Variants in TECRL observed in about 807,000 individuals in gnomAD.
TECRL encodes trans-2,3-enoyl-CoA reductase like, also known as trans-2,3-enoyl-CoA reductase-like.
TECRL carries 63 observed loss-of-function variants against 52.8 expected under a neutral mutation model. The ratio of observed to expected loss-of-function variants is 1.19; its 90% CI spans 0.97 to 1.47. The LOEUF (loss-of-function observed/expected upper bound fraction) is 1.47, where lower values mean the gene tolerates loss of function less well. TECRL is among the 40% of genes most tolerant of loss of function. TECRL has a pLI of 0.00. For synonymous variants in TECRL, 164 were observed against 141.9 expected, an observed-to-expected ratio of 1.16 and a Z score of -1.10; for missense variants, 482 against 429.6, an observed-to-expected ratio of 1.12 and a Z score of -1.08.
At chr4:64,364,543 C>T (rs1297324032) in intron 2 of TECRL, among the ~76,000 whole-genome samples, 1 of 151,556 alleles carries the variant, frequency 6.6e-6, no homozygotes, top group Non-Finnish European at 1.5e-5. Flanking sequence ...GAGAGAAGTT[C>T]CAAACAAACA....
chr4:64,379,809 C>T (rs1322726569), intron 1 of TECRL, among the ~76,000 whole-genome samples: 26 of 152,060 alleles, frequency 1.7e-4, no homozygotes, highest in Admixed American at 1.6e-3. Flanking sequence ...ATCTATGTTG[C>T]TGCAAATAGT....
intron 2 of TECRL, among the ~76,000 whole-genome samples, chr4:64,329,261 TCTTAA>T: frequency 6.6e-6 from 1 of 151,406 alleles, no homozygotes; most frequent in South Asian, 2.1e-4. Context: ...AAAGTTTACT[TCTTAA>T]CTTTGAGATT....
chr4:64,310,308 G>T (rs1353243193), intron 5 of TECRL, among the ~76,000 whole-genome samples: 1 of 152,126 alleles, frequency 6.6e-6, no homozygotes, highest in Non-Finnish European at 1.5e-5. Flanking sequence ...CCAAAGCCTA[G>T]TTGGAATGTA....
chr4:64,388,049 A>C (rs2109735945), intron 1 of TECRL, among the ~76,000 whole-genome samples: 1 of 151,758 alleles, frequency 6.6e-6, no homozygotes, highest in African/African-American at 2.4e-5. Context: ...CCATCTTATT[A>C]ATTTTTTTTC....
chr4:64,330,407 T>C (rs1267939267), intron 2 of TECRL, among the ~76,000 whole-genome samples: 1 of 152,080 alleles, frequency 6.6e-6, no homozygotes, highest in African/African-American at 2.4e-5. Flanking sequence ...TTTAACTCAA[T>C]ATTGATCAAA....
intron 4 of TECRL, among the ~76,000 whole-genome samples, chr4:64,317,141 G>A (rs1354599644): frequency 2.0e-5 from 3 of 152,088 alleles, no homozygotes; most frequent in South Asian, 2.1e-4. Context: ...AGCCGGGCGT[G>A]GTGGCAGGTG....
At chr4:64,335,578 A>C (rs1205370191) in intron 2 of TECRL, among the ~76,000 whole-genome samples, 4 of 152,310 alleles carry the variant, frequency 2.6e-5, no homozygotes. Flanking sequence ...ATTGCCTTCC[A>C]TGAAACTGGT....
At chr4:64,396,133 T>C (rs1203872961) in intron 1 of TECRL, among the ~76,000 whole-genome samples, 2 of 141,610 alleles carry the variant, frequency 1.4e-5, no homozygotes, top group Admixed American at 1.5e-4. Context: ...GTGATGAATA[T>C]ACATGTGCAT....
At chr4:64,297,548 G>T (rs1232130012) in intron 8 of TECRL, among the ~76,000 whole-genome samples, 1 of 150,978 alleles carries the variant, frequency 6.6e-6, no homozygotes, top group Non-Finnish European at 1.5e-5. Flanking sequence ...AATATGGATT[G>T]TACTATCTAC....
intron 1 of TECRL, among the ~76,000 whole-genome samples, chr4:64,388,091 G>C (rs963456764): frequency 1.1e-4 from 17 of 151,502 alleles, no homozygotes; most frequent in Non-Finnish European, 2.2e-4. Context: ...AGGTCATGAA[G>C]ATTTTGTTGT....
chr4:64,366,571 A>T (rs1295872720), intron 2 of TECRL, among the ~76,000 whole-genome samples: 1 of 152,190 alleles, frequency 6.6e-6, no homozygotes, highest in South Asian at 2.1e-4. Flanking sequence ...GAATAAGCAT[A>T]TAACAAACGA....
chr4:64,407,771 T>C (rs1553923591), intron 1 of TECRL, among the ~76,000 whole-genome samples: 1 of 150,808 alleles, frequency 6.6e-6, no homozygotes, highest in Non-Finnish European at 1.5e-5. Context: ...AGAGTAATTT[T>C]ATTTTTTTAT....
At chr4:64,362,016 C>G (rs1721234931) in intron 2 of TECRL, among the ~76,000 whole-genome samples, 1 of 152,074 alleles carries the variant, frequency 6.6e-6, no homozygotes, top group Non-Finnish European at 1.5e-5. Flanking sequence ...ACAAATTGAG[C>G]TTCTGGTAAT....
At chr4:64,331,134 TTTAA>T (rs1478499111) in intron 2 of TECRL, among the ~76,000 whole-genome samples, 1 of 152,074 alleles carries the variant, frequency 6.6e-6, no homozygotes, top group Non-Finnish European at 1.5e-5. Flanking sequence ...GATACACATA[TTTAA>T]TTAAAAGAGA....
intron 2 of TECRL, among the ~76,000 whole-genome samples, chr4:64,349,244 T>C (rs1325808270): frequency 2.0e-5 from 3 of 151,620 alleles, no homozygotes; most frequent in Non-Finnish European, 4.4e-5. Flanking sequence ...GCAATTCTCC[T>C]GCCTCAACCT....
chr4:64,355,040 AC>A (rs1180303879), intron 2 of TECRL, among the ~76,000 whole-genome samples: 1 of 152,220 alleles, frequency 6.6e-6, no homozygotes, highest in Admixed American at 6.5e-5. Flanking sequence ...AGATTAGCAT[AC>A]TTGATATATC....
At chr4:64,382,110 G>T (rs907094998) in intron 1 of TECRL, among the ~76,000 whole-genome samples, 164 of 149,670 alleles carry the variant, frequency 1.1e-3, no homozygotes, top group African/African-American at 3.9e-3. Context: ...ATTCAGTTTT[G>T]TTACTCATTA....
intron 3 of TECRL, among the ~76,000 whole-genome samples, chr4:64,326,899 C>T (rs1267808430): frequency 5.9e-5 from 9 of 152,168 alleles, no homozygotes; most frequent in Admixed American, 3.9e-4. Flanking sequence ...ATTTTGGGAG[C>T]AAATGTATAA....
intron 2 of TECRL, among the ~76,000 whole-genome samples, chr4:64,338,774 C>T (rs1719322924): frequency 6.6e-6 from 1 of 152,114 alleles, no homozygotes; most frequent in Admixed American, 6.5e-5. Flanking sequence ...ATTAAAAAGT[C>T]AGGAAACAAC....
Sources: allele counts gnomAD v4.1 joint callset (sites outside exome capture counted in the v4.1 genomes callset), GRCh38; gene constraint gnomAD v4.1.1; transcripts MANE v1.5; gene names NCBI Gene and HGNC (gene_info 2026-07-23, HGNC 2026-07-21).